Variants in IRAG1 observed in about 807,000 individuals in gnomAD.
The protein encoded by IRAG1 is inositol 1,4,5-triphosphate receptor associated 1.
A neutral mutation model predicts 106.2 loss-of-function variants in IRAG1; 62 were observed. The ratio of observed to expected loss-of-function variants is 0.58; its 90% CI spans 0.48 to 0.72. IRAG1 has a LOEUF of 0.72. Among genes scored for constraint, IRAG1 ranks in the 30% least tolerant of loss-of-function variants. IRAG1 has a pLI of 0.00. For synonymous variants in IRAG1, 462 were observed against 443.9 expected (o/e 1.04, Z -0.51); for missense variants, 1,064 against 1,140.7 (o/e 0.93, Z 0.97).
At chr11:10,623,741 C>A (rs771114549) in intron 10 of IRAG1, 37 bp downstream of exon 10, 17 of 1,587,612 alleles carry the variant, frequency 1.1e-5, no homozygotes, top group Non-Finnish European at 1.5e-5. Flanking sequence ...GACAAATCAG[C>A]ACTCGCTGAG....
At chr11:10,602,706 G>A (rs755494946) in intron 14 of IRAG1, among the ~76,000 whole-genome samples, 3 of 152,224 alleles carry the variant, frequency 2.0e-5, no homozygotes, top group African/African-American at 2.4e-5. Flanking sequence ...TCAAATACTA[G>A]CTCCATGGGA....
chr11:10,594,019 C>A, intron 16 of IRAG1, 127 bp downstream of exon 16: 1 of 906,840 alleles, frequency 1.1e-6, no homozygotes, highest in Admixed American at 2.6e-5. Flanking sequence ...TGTGGAAAGC[C>A]GAATAGAAAC....
chr11:10,576,701 G>T, intron 20 of IRAG1, 126 bp from the exon 21 acceptor site: 1 of 1,216,676 alleles, frequency 8.2e-7, no homozygotes, highest in Non-Finnish European at 1.2e-6. Context: ...ACTTAGCTGT[G>T]CCTAGATTGG....
intron 19 of IRAG1, among the ~76,000 whole-genome samples, chr11:10,581,456 G>C (rs1279999675): frequency 6.6e-6 from 1 of 152,128 alleles, no homozygotes; most frequent in Non-Finnish European, 1.5e-5. Flanking sequence ...TCCATTTATA[G>C]GAGGAAGGAG....
intron 20 of IRAG1, among the ~76,000 whole-genome samples, chr11:10,578,666 A>G (rs980174425): frequency 3.3e-5 from 5 of 152,350 alleles, no homozygotes; most frequent in African/African-American, 1.2e-4. Context: ...GATAAATGTT[A>G]CAGGCACCAT....
intron 3 of IRAG1, among the ~76,000 whole-genome samples, chr11:10,633,422 C>T (rs1481910711): frequency 6.6e-6 from 1 of 152,122 alleles, no homozygotes; most frequent in Non-Finnish European, 1.5e-5. Context: ...CTCATTTCAG[C>T]GAGCCCAGTT....
chr11:10,651,665 C>T (rs540346993), intron 2 of IRAG1, among the ~76,000 whole-genome samples: 1 of 152,236 alleles, frequency 6.6e-6, no homozygotes, highest in South Asian at 2.1e-4. Flanking sequence ...CTTTAAGTGG[C>T]CTTTTCTCGT....
intron 1 of IRAG1, among the ~76,000 whole-genome samples, chr11:10,661,960 A>G (rs1859439009): frequency 6.6e-6 from 1 of 151,946 alleles, no homozygotes; most frequent in African/African-American, 2.4e-5. Context: ...AAGAGCAGAG[A>G]CTCTGCCTTA....
At chr11:10,610,581 C>T (rs1394567100) in intron 10 of IRAG1, among the ~76,000 whole-genome samples, 1 of 152,202 alleles carries the variant, frequency 6.6e-6, no homozygotes, top group East Asian at 1.9e-4. Flanking sequence ...CTCCATTTTT[C>T]CAACAAGCTC....
At chr11:10,609,561 C>A (rs1374156415) in intron 11 of IRAG1, among the ~76,000 whole-genome samples, 167 bp downstream of exon 11, 3 of 152,170 alleles carry the variant, frequency 2.0e-5, no homozygotes, top group Non-Finnish European at 4.4e-5. Context: ...CCCAGCCTGG[C>A]CTTTCATTAT....
At chr11:10,612,607 G>GA (rs1251660064) in intron 10 of IRAG1, among the ~76,000 whole-genome samples, 1 of 151,770 alleles carries the variant, frequency 6.6e-6, no homozygotes, top group Non-Finnish European at 1.5e-5. Context: ...AAAATAAAAG[G>GA]AAAACAGATG....
intron 1 of IRAG1, among the ~76,000 whole-genome samples, chr11:10,692,711 C>T (rs768461993): frequency 3.0e-4 from 46 of 152,324 alleles, no homozygotes; most frequent in African/African-American, 9.1e-4. Flanking sequence ...GGAGTGCTGG[C>T]CAGGGGTCCC....
At chr11:10,591,505 C>G (rs1222260806) in intron 18 of IRAG1, 43 bp downstream of exon 18, 5 of 1,528,148 alleles carry the variant, frequency 3.3e-6, no homozygotes, top group Non-Finnish European at 4.5e-6. Flanking sequence ...GGGAAAATTT[C>G]CTGAGAGATC....
In IRAG1 at chr11:10,628,573, C is replaced by A. The variant is rs1407813126; in HGVS notation, c.652+178G>T. On this transcript the variant is annotated intron_variant, in intron 6 of 20. Transcript: ENST00000423302. The surrounding 1 kb of genome is among the most constrained non-coding windows in gnomAD (Gnocchi z 4.1). ...ATGCTAACAGAAAGTCTATCTGCCT[C>A]CTCTGGGTGGCCCAGCAAATGCCCC... 6.6e-6 allele frequency among the ~76,000 whole-genome samples: 1 copy of A among 152,124 alleles called. No homozygotes were observed. The highest frequency in any genetic ancestry group is 1.9e-4 in the East Asian group (1 of 5,186).
chr11:10,679,825 G>A (rs17419756), intron 1 of IRAG1, among the ~76,000 whole-genome samples: 85 of 152,314 alleles, frequency 5.6e-4, no homozygotes, highest in South Asian at 1.7e-3. Flanking sequence ...GAATATCAGC[G>A]GGAGATAGGT....
At chr11:10,610,669 G>A (rs1854876006) in intron 10 of IRAG1, among the ~76,000 whole-genome samples, 1 of 152,144 alleles carries the variant, frequency 6.6e-6, no homozygotes. Flanking sequence ...CTGTTACAGA[G>A]GCCCAGATGT....
chr11:10,616,946 TG>T (rs1308091762), intron 10 of IRAG1: 1 of 809,956 alleles, frequency 1.2e-6, no homozygotes, highest in African/African-American at 1.9e-5. Flanking sequence ...GTCAGGGACT[TG>T]GAAAAATTAC....
At chr11:10,627,513 C>G (rs959213939) in intron 8 of IRAG1, among the ~76,000 whole-genome samples, 4 of 152,106 alleles carry the variant, frequency 2.6e-5, no homozygotes, top group Admixed American at 6.5e-5. Flanking sequence ...AGTTCACCCC[C>G]CTGAATCCTG....
chr11:10,681,472 AT>A (rs536873203), intron 1 of IRAG1, among the ~76,000 whole-genome samples: 264 of 152,366 alleles, frequency 1.7e-3, no homozygotes, highest in Middle Eastern at 6.8e-3. Context: ...AAAATAAACA[AT>A]AACAGCTGAC....
Sources: allele counts gnomAD v4.1 joint callset (sites outside exome capture counted in the v4.1 genomes callset), GRCh38; gene constraint gnomAD v4.1.1; non-coding constraint Gnocchi (gnomAD v3.1); transcripts MANE v1.5; gene names NCBI Gene and HGNC (gene_info 2026-07-23, HGNC 2026-07-21).